AP3B1: variants seen among roughly 807,000 people sequenced by gnomAD.
The protein encoded by AP3B1 is adaptor related protein complex 3 subunit beta 1.
In AP3B1, 61 loss-of-function variants were observed where a neutral mutation model predicts 132.5. The observed-to-expected ratio is 0.46, with a 90% CI of 0.37 to 0.57. The LOEUF (loss-of-function observed/expected upper bound fraction) is 0.57. AP3B1 is among the 20% of genes least tolerant of loss of function. The probability of loss-of-function intolerance (pLI) is 0.00; values close to 1 mark genes in which losing one functional copy is unlikely to be tolerated. For missense variants in AP3B1, 1,120 were observed against 1,289.4 expected, an observed-to-expected ratio of 0.87 and a Z score of 2.01; for synonymous variants, 388 against 438.3, an observed-to-expected ratio of 0.89 and a Z score of 1.43.
intron 15 of AP3B1, among the ~76,000 whole-genome samples, chr5:78,131,279 A>G (rs541203758): frequency 6.6e-6 from 1 of 152,058 alleles, no homozygotes; most frequent in African/African-American, 2.4e-5. Flanking sequence ...ATAAAATTGC[A>G]ATCTTTTTCC....
intron 7 of AP3B1, among the ~76,000 whole-genome samples, chr5:78,193,770 A>ATATATATATATATATTTTT: frequency 7.4e-5 from 5 of 67,206 alleles, no homozygotes; most frequent in African/African-American, 2.1e-4. Flanking sequence ...ATATATATAT[A>ATATATATATATATATTTTT]TTTTTTTTTT....
chr5:78,281,785 T>C (rs1305427999), intron 1 of AP3B1, among the ~76,000 whole-genome samples: 1 of 152,080 alleles, frequency 6.6e-6, no homozygotes, highest in Non-Finnish European at 1.5e-5. Context: ...GTTTCAGTGG[T>C]GCATATAAAA....
At position 78,278,435 on chromosome 5, in the gene AP3B1, T is replaced by TA. The variant is rs1748881137; in HGVS notation, c.129-10841dup. Among the ~76,000 whole-genome samples the TA allele has an allele frequency of 2.2e-5, 2 of 92,600 alleles. 1 individual carries two copies. The highest frequency in any genetic ancestry group is 2.0e-4 in the Admixed American group (2 of 10,182). The allele number at this position is 92,600 out of a possible 152,430, so 60.7% of individuals were successfully genotyped here. Reference sequence around the variant, plus strand: ...TAAAACGGTGAAACCCCGTCTCTACTAAAAATACAAAAAATTAGCCGGGCG... The same window carrying TA: ...TAAAACGGTGAAACCCCGTCTCTACTAAAAAATACAAAAAATTAGCCGGGCG... On this transcript the variant is annotated intron_variant, in intron 1 of 26. Coordinates refer to ENST00000255194, the MANE Select transcript of AP3B1 (RefSeq NM_003664.5).
chr5:78,236,685 G>C (rs4704490), intron 3 of AP3B1, among the ~76,000 whole-genome samples: 27,830 of 152,144 alleles, frequency 0.18, 2,797 homozygotes, highest in Admixed American at 0.27. Context: ...AATAACCTTG[G>C]TCAGACAGGT....
chr5:78,186,206 T>C (rs1426056206), intron 7 of AP3B1, among the ~76,000 whole-genome samples: 1 of 152,068 alleles, frequency 6.6e-6, no homozygotes, highest in Non-Finnish European at 1.5e-5. Flanking sequence ...GAAAAATACA[T>C]AGCATGCTAA....
At chr5:78,063,187 A>G (rs1749133190) in intron 22 of AP3B1, among the ~76,000 whole-genome samples, 1 of 152,220 alleles carries the variant, frequency 6.6e-6, no homozygotes, top group Non-Finnish European at 1.5e-5. Flanking sequence ...GTATACATAA[A>G]GCAAATTCTC....
At chr5:78,066,612 T>C (rs2112154102) in intron 22 of AP3B1, among the ~76,000 whole-genome samples, 1 of 151,874 alleles carries the variant, frequency 6.6e-6, no homozygotes, top group African/African-American at 2.4e-5. Flanking sequence ...CAGACAAAAT[T>C]AGAGAAAAAT....
chr5:78,222,570 C>T (rs776937855), intron 6 of AP3B1: 1 of 152,014 alleles, frequency 6.6e-6, no homozygotes, highest in Non-Finnish European at 1.5e-5. Flanking sequence ...AATTCAAGAA[C>T]TTGTTACATG....
At chr5:78,097,252 C>T (rs1416540595) in intron 21 of AP3B1, among the ~76,000 whole-genome samples, 18 of 86,760 alleles carry the variant, frequency 2.1e-4, no homozygotes, top group Non-Finnish European at 3.4e-4. Context: ...GTCAGCCCCC[C>T]GCCCGGCCAG....
intron 1 of AP3B1, among the ~76,000 whole-genome samples, chr5:78,280,397 T>C (rs1437153959): frequency 1.3e-5 from 2 of 152,216 alleles, no homozygotes; most frequent in African/African-American, 2.4e-5. Context: ...TCAAAATTAA[T>C]TAGTATTACA....
intron 7 of AP3B1, among the ~76,000 whole-genome samples, chr5:78,193,740 T>TATATATATATATATCTATATA (rs1561469382): frequency 1.7e-4 from 7 of 41,694 alleles, no homozygotes; most frequent in Admixed American, 1.0e-3. Context: ...TTGTATATAT[T>TATATATATATATATCTATATA]TTTTTATATA....
intron 22 of AP3B1, among the ~76,000 whole-genome samples, chr5:78,041,550 C>A (rs999287762): frequency 6.6e-6 from 1 of 151,088 alleles, no homozygotes; most frequent in Non-Finnish European, 1.5e-5. Flanking sequence ...CAGAGCAAGA[C>A]CCTGTCTCAA....
At chr5:78,182,231 A>C (rs1744402872) in intron 7 of AP3B1, among the ~76,000 whole-genome samples, 1 of 152,244 alleles carries the variant, frequency 6.6e-6, no homozygotes, top group South Asian at 2.1e-4. Context: ...TATCTCTGCC[A>C]ATAAAATATG....
intron 22 of AP3B1, among the ~76,000 whole-genome samples, chr5:78,075,216 A>C (rs1749716159): frequency 6.6e-6 from 1 of 152,202 alleles, no homozygotes; most frequent in South Asian, 2.1e-4. Context: ...ATCTAAGATA[A>C]GACTACTCAA....
intron 1 of AP3B1, among the ~76,000 whole-genome samples, chr5:78,291,605 C>A (rs1749529354): frequency 6.6e-6 from 1 of 151,916 alleles, no homozygotes; most frequent in Non-Finnish European, 1.5e-5. Context: ...TGAGGAAACA[C>A]CAGCAAACCC....
At chr5:78,193,987 T>G (rs1424093871) in intron 7 of AP3B1, among the ~76,000 whole-genome samples, 1 of 151,772 alleles carries the variant, frequency 6.6e-6, no homozygotes, top group African/African-American at 2.4e-5. Context: ...CAGGATGGTC[T>G]CAATCTCCTG....
intron 3 of AP3B1, among the ~76,000 whole-genome samples, chr5:78,233,592 G>GA (rs1326864816): frequency 6.6e-6 from 1 of 152,098 alleles, no homozygotes. Context: ...AATTAATTAG[G>GA]AAATACAGAA....
intron 17 of AP3B1, among the ~76,000 whole-genome samples, chr5:78,127,406 G>A (rs1752507232): frequency 6.6e-6 from 1 of 152,096 alleles, no homozygotes; most frequent in South Asian, 2.1e-4. Flanking sequence ...GAAAGAAACA[G>A]ATAATATTAG....
At chr5:78,036,303 G>C (rs1485630474) in intron 23 of AP3B1, among the ~76,000 whole-genome samples, 1 of 152,086 alleles carries the variant, frequency 6.6e-6, no homozygotes, top group Non-Finnish European at 1.5e-5. Flanking sequence ...AATACTTGGA[G>C]CCGACTAAAC....
Sources: allele counts gnomAD v4.1 joint callset (sites outside exome capture counted in the v4.1 genomes callset), GRCh38; gene constraint gnomAD v4.1.1; transcripts MANE v1.5; gene names NCBI Gene and HGNC (gene_info 2026-07-23, HGNC 2026-07-21).